The following NINJ2 variants were observed in gnomAD, a reference collection of about 807,000 sequenced individuals.
NINJ2 encodes the protein ninjurin 2.
In NINJ2, 12 loss-of-function variants were observed where a neutral mutation model predicts 11.7. That is an observed-to-expected ratio of 1.02 (90% CI 0.66 to 1.66). The LOEUF is 1.66. NINJ2 is among the 40% of genes most tolerant of loss of function. The pLI is 0.00. For missense variants in NINJ2, 187 were observed against 181.8 expected, an observed-to-expected ratio of 1.03 and a Z score of -0.16; for synonymous variants, 93 against 76.8, an observed-to-expected ratio of 1.21 and a Z score of -1.10.
intron 1 of NINJ2, among the ~76,000 whole-genome samples, chr12:660,782 G>A (rs894304086): frequency 1.5e-4 from 23 of 152,116 alleles, no homozygotes; most frequent in African/African-American, 5.3e-4. Context: ...CCAATATGAT[G>A]AAACCCTGTC....
rs191695082 is a variant in NINJ2, at chr12:591,446, C to T, written c.34-25268G>A. 1.1e-4 allele frequency among the ~76,000 whole-genome samples: 17 copies of T among 152,288 alleles called. No individual in the cohort carries two copies. In the East Asian group the frequency reaches 2.9e-3, roughly 26 times the overall value. On this transcript the variant is annotated intron_variant, in intron 1 of 3. Transcript: ENST00000305108. This position sits in a 1 kb window ranked among gnomAD's most constrained non-coding sequence, Gnocchi z 5.0. ...GCTGTGCGCTCTCCTGATGCAAGGT[C>T]CTTTCTGCTAGTCATGACTACTAAG...
chr12:610,247 G>A lies in NINJ2; in HGVS notation c.34-44069C>T, dbSNP rs1462985008. On this transcript the variant is annotated intron_variant, in intron 1 of 3. Coordinates refer to ENST00000305108, the MANE Select transcript of NINJ2 (RefSeq NM_016533.6). ...ACAGAATCAATGCTTTTGCGTGAGT[G>A]AAACAGCCCCTCTGGCAGCCCTCTT... is the stretch of plus-strand genomic sequence containing the variant. The A allele has an allele frequency of 9.9e-6, 10 of 1,008,254 alleles. No homozygotes were observed. In the East Asian group the frequency reaches 2.3e-4, roughly 24 times the overall value. 62.5% of individuals were successfully genotyped at this position (1,008,254 alleles called of 1,614,324 possible).
At chr12:587,693 G>A (rs192503275) in intron 1 of NINJ2, among the ~76,000 whole-genome samples, 1 of 152,272 alleles carries the variant, frequency 6.6e-6, no homozygotes, top group African/African-American at 2.4e-5. Flanking sequence ...TGTGCAGGTG[G>A]GGGGTGGGGG....
At position 631,428 on chromosome 12, in the gene NINJ2, ATCTCTGC is replaced by A. The variant is rs1380569580; in HGVS notation, c.33+31893_33+31899del. Among the ~76,000 whole-genome samples the A allele has an allele frequency of 2.6e-5, 4 of 152,146 alleles. 1 individual carries two copies. The highest frequency in any genetic ancestry group is 2.9e-5 in the Non-Finnish European group (2 of 67,992). On this transcript the variant is annotated intron_variant, in intron 1 of 3. Transcript: ENST00000305108. The stretch of plus-strand genomic sequence containing the variant: ...CACCAGGCGGGAGTGCAGTGGCGTG[ATCTCTGC>A]TCAATGCAACCTCCGCCTCCCGGGC...
At chr12:658,702 TATGCTATGCTATGCTATGCTATGCTA>T (rs1253749372) in intron 1 of NINJ2, among the ~76,000 whole-genome samples, 1 of 139,944 alleles carries the variant, frequency 7.1e-6, no homozygotes, top group East Asian at 2.0e-4. Context: ...TATGCTATGC[TATGCTATGCTATGCTATGCTATGCTA>T]ATGCTATGCT....
chr12:654,907 GA>G (rs1322659754), intron 1 of NINJ2, among the ~76,000 whole-genome samples: 1 of 148,344 alleles, frequency 6.7e-6, no homozygotes, highest in Non-Finnish European at 1.5e-5. Context: ...AAAAAAAAGA[GA>G]ATAAAATAAA....
chr12:613,860 G>A (rs1413842844), intron 1 of NINJ2, among the ~76,000 whole-genome samples: 1 of 152,124 alleles, frequency 6.6e-6, no homozygotes, highest in African/African-American at 2.4e-5. Context: ...AGCCGAGATC[G>A]CGCCACTGCA....
In NINJ2 at chr12:580,108, G is replaced by A. The variant is rs1947525959; in HGVS notation, c.34-13930C>T. On this transcript the variant is annotated intron_variant, in intron 1 of 3. Coordinates refer to ENST00000305108, the MANE Select transcript of NINJ2 (RefSeq NM_016533.6). The surrounding 1 kb of genome is among the most constrained non-coding windows in gnomAD (Gnocchi z 4.7). ...TTTAGACTGGTCCCCATTGTTGAGG[G>A]ACTTACACAGCCTATGCTTCCAGGG... Among the ~76,000 whole-genome samples the A allele has an allele frequency of 6.6e-6, 1 of 152,120 alleles. No individual in the cohort carries two copies. The highest frequency in any genetic ancestry group is 2.1e-4 in the South Asian group (1 of 4,826).
Position 640,041 on chromosome 12 carries a change from G to A in NINJ2, c.33+23287C>T, listed in dbSNP as rs1334485079. ...GACACGGTGTTTAGTGCTGTTTCAG[G>A]TTAAGTCAGCGTCCCTCCAATGTGC... On this transcript the variant is annotated intron_variant, in intron 1 of 3. Coordinates refer to ENST00000305108, the MANE Select transcript of NINJ2 (RefSeq NM_016533.6). The surrounding 1 kb of genome is among the most constrained non-coding windows in gnomAD (Gnocchi z 4.0). 6.6e-6 allele frequency among the ~76,000 whole-genome samples: 1 copy of A among 152,230 alleles called. No individual in the cohort carries two copies. Among genetic ancestry groups the A allele is most frequent in the Non-Finnish European group, 1.5e-5 (1 of 68,044 alleles).
rs943516949 is a variant in NINJ2, at chr12:614,713, A to T, written c.34-48535T>A. On this transcript the variant is annotated intron_variant, in intron 1 of 3. Coordinates refer to ENST00000305108, the MANE Select transcript of NINJ2 (RefSeq NM_016533.6). The surrounding 1 kb of genome is among the most constrained non-coding windows in gnomAD (Gnocchi z 5.1). ...TTTTTTTTCCTCCAAAGAAGGGAAC[A>T]AAGGCTTGACACCTCAGGGCTCGGC... 6.6e-6 allele frequency among the ~76,000 whole-genome samples: 1 copy of T among 152,162 alleles called. No homozygotes were observed. The highest frequency in any genetic ancestry group is 1.5e-5 in the Non-Finnish European group (1 of 68,030).
At chr12:601,422 C>T (rs1050520612) in intron 1 of NINJ2, among the ~76,000 whole-genome samples, 12 of 151,894 alleles carry the variant, frequency 7.9e-5, no homozygotes, top group East Asian at 3.8e-4. Context: ...GTGGCGGGCG[C>T]CTGTAGTCCC....
chr12:586,990 T>A (rs1477751341), intron 1 of NINJ2, among the ~76,000 whole-genome samples: 1 of 152,198 alleles, frequency 6.6e-6, no homozygotes, highest in Non-Finnish European at 1.5e-5. Context: ...TGTGAGCAGA[T>A]GGTAGAACCC....
intron 1 of NINJ2, chr12:632,513 C>T (rs1002881693): frequency 2.0e-5 from 3 of 152,344 alleles, no homozygotes; most frequent in Admixed American, 2.0e-4. Context: ...TTCCAGCCCA[C>T]AGGACACTTG....
chr12:660,763 C>G (rs1233379269), intron 1 of NINJ2, among the ~76,000 whole-genome samples: 3 of 152,144 alleles, frequency 2.0e-5, no homozygotes, highest in Non-Finnish European at 2.9e-5. Context: ...GAGTGCAAGA[C>G]TAGCCTGGCC....
chr12:569,925 C>G (rs75721340), intron 1 of NINJ2, among the ~76,000 whole-genome samples: 1,844 of 150,432 alleles, frequency 0.012, 31 homozygotes, highest in African/African-American at 0.042. Context: ...AGAGTGTCCA[C>G]ACGGTGGCGC....
Position 585,335 on chromosome 12 carries a change from C to T in NINJ2, c.34-19157G>A, listed in dbSNP as rs111830409. Among the ~76,000 whole-genome samples the T allele has an allele frequency of 3.3e-5, 5 of 152,184 alleles. No homozygotes were observed. Among genetic ancestry groups the T allele is most frequent in the Non-Finnish European group, 5.9e-5 (4 of 68,022 alleles). ...CTGCCCATGCCAAGAGGGGTCCATACCAACTTCCGGAATAAACGAGGCCAA... is the reference window on the plus strand; with the variant it reads ...CTGCCCATGCCAAGAGGGGTCCATATCAACTTCCGGAATAAACGAGGCCAA... On this transcript the variant is annotated intron_variant, in intron 1 of 3. Transcript: ENST00000305108. This position sits in a 1 kb window ranked among gnomAD's most constrained non-coding sequence, Gnocchi z 4.1.
rs1947530298 is a variant in NINJ2 at position 580,410 on chromosome 12, A to G, written c.34-14232T>C. ...TGAGATGAGCCTGGGCAAAATGGTG[A>G]AACCCCATCTCTACTAAAAATACAA... On this transcript the variant is annotated intron_variant, in intron 1 of 3. Transcript: ENST00000305108. The surrounding 1 kb of genome is among the most constrained non-coding windows in gnomAD (Gnocchi z 4.7). Among the ~76,000 whole-genome samples, 1 of 152,088 alleles carries G rather than the reference A, an allele frequency of 6.6e-6. No homozygotes were observed. Among genetic ancestry groups the G allele is most frequent in the Admixed American group, 6.6e-5 (1 of 15,252 alleles).
At chr12:600,558 A>G (rs1406074932) in intron 1 of NINJ2, among the ~76,000 whole-genome samples, 1 of 152,140 alleles carries the variant, frequency 6.6e-6, no homozygotes, top group African/African-American at 2.4e-5. Context: ...CCATCTCAAA[A>G]AATAAATAAA....
At chr12:613,732 C>T (rs1270478218) in intron 1 of NINJ2, among the ~76,000 whole-genome samples, 1 of 151,866 alleles carries the variant, frequency 6.6e-6, no homozygotes, top group Non-Finnish European at 1.5e-5. Flanking sequence ...GGTGAAACCC[C>T]GTCTCTACTA....
Sources: allele counts gnomAD v4.1 joint callset (sites outside exome capture counted in the v4.1 genomes callset), GRCh38; gene constraint gnomAD v4.1.1; non-coding constraint Gnocchi (gnomAD v3.1); transcripts MANE v1.5; gene names NCBI Gene and HGNC (gene_info 2026-07-23, HGNC 2026-07-21).